The following TOGARAM2 variants were observed in gnomAD, a reference collection of about 807,000 sequenced individuals.
The protein encoded by TOGARAM2 is TOG array regulator of axonemal microtubules protein 2.
In TOGARAM2, 85 loss-of-function variants were observed where a neutral mutation model predicts 93.3. That is an observed-to-expected ratio of 0.91 (90% CI 0.76 to 1.09). TOGARAM2 has a LOEUF of 1.09. Among genes scored for constraint, TOGARAM2 ranks in the 50% least tolerant of loss-of-function variants. The probability of loss-of-function intolerance (pLI) is 0.00; values close to 1 mark genes in which losing one functional copy is unlikely to be tolerated. For missense variants in TOGARAM2, 1,277 were observed against 1,334.5 expected (o/e 0.96, Z 0.67); for synonymous variants, 593 against 552.8 (o/e 1.07, Z -1.02).
chr2:29,013,862 A>G lies in TOGARAM2; in HGVS notation c.878-533A>G, dbSNP rs530954221. Among the ~76,000 whole-genome samples the G allele has an allele frequency of 5.3e-5, 8 of 152,264 alleles. No homozygotes were observed. In the East Asian group the frequency reaches 1.5e-3, roughly 29 times the overall value. The stretch of plus-strand genomic sequence containing the variant: ...ACTTGACCAGCTATGTAAGCATCCA[A>G]TCCAGATGGCACCTAACATTAACCA... On this transcript the variant is annotated intron_variant, in intron 7 of 19. Transcript: ENST00000379558.
chr2:29,018,067 T>C (rs995412812), intron 10 of TOGARAM2, 111 bp downstream of exon 10: 24 of 1,279,678 alleles, frequency 1.9e-5, no homozygotes, highest in Non-Finnish European at 2.3e-5. Flanking sequence ...CCCTTGTCCA[T>C]GTTAGACCAG....
chr2:28,983,258 C>G (rs538925972), intron 1 of TOGARAM2, among the ~76,000 whole-genome samples: 1 of 100,186 alleles, frequency 1.0e-5, no homozygotes, highest in East Asian at 3.4e-4. Context: ...GTTGCTCAGC[C>G]TGGTCTCGAA....
At chr2:29,005,208 T>TG (rs142130568) in intron 6 of TOGARAM2, among the ~76,000 whole-genome samples, 96,982 of 131,970 alleles carry the variant, frequency 0.73, 37,537 homozygotes, top group Non-Finnish European at 0.85. Flanking sequence ...TGCATGTGTG[T>TG]GGGTATGTGT....
intron 4 of TOGARAM2, among the ~76,000 whole-genome samples, chr2:29,001,827 G>A (rs1464267161): frequency 6.6e-6 from 1 of 151,586 alleles, no homozygotes; most frequent in African/African-American, 2.4e-5. Context: ...TGGTTTTGTT[G>A]AGGCCAGAAT....
intron 18 of TOGARAM2, among the ~76,000 whole-genome samples, chr2:29,041,344 C>T (rs1297572337): frequency 2.6e-5 from 4 of 152,164 alleles, no homozygotes; most frequent in African/African-American, 9.7e-5. Flanking sequence ...TTTAACAGCT[C>T]CATCACGTGA....
chr2:28,998,980 A>C (rs1253111561), intron 3 of TOGARAM2, among the ~76,000 whole-genome samples: 2 of 152,102 alleles, frequency 1.3e-5, no homozygotes, highest in African/African-American at 4.8e-5. Flanking sequence ...ACCTTGTGGC[A>C]TGGGTCTTGT....
chr2:29,004,746 G>A (rs1012202241), intron 6 of TOGARAM2, among the ~76,000 whole-genome samples: 10 of 53,890 alleles, frequency 1.9e-4, no homozygotes, highest in African/African-American at 5.0e-4. Context: ...ATGCATGTGT[G>A]TGTGTGTCTG....
intron 1 of TOGARAM2, among the ~76,000 whole-genome samples, chr2:28,986,987 T>C (rs908173238): frequency 6.6e-6 from 1 of 152,214 alleles, no homozygotes; most frequent in Non-Finnish European, 1.5e-5. Flanking sequence ...AATTTAACCC[T>C]GTTGACTCCT....
chr2:28,995,577 C>G (rs1672951891), intron 2 of TOGARAM2, among the ~76,000 whole-genome samples: 1 of 152,208 alleles, frequency 6.6e-6, no homozygotes, highest in Non-Finnish European at 1.5e-5. Context: ...TAAAGCAGAT[C>G]CCACCTGAAT....
intron 14 of TOGARAM2, among the ~76,000 whole-genome samples, chr2:29,029,909 T>C (rs1421535209): frequency 6.6e-6 from 1 of 152,128 alleles, no homozygotes. Context: ...AAGAACTTAC[T>C]CATGGAACCA....
At chr2:29,004,537 A>G (rs1206954079) in intron 6 of TOGARAM2, among the ~76,000 whole-genome samples, 1 of 152,246 alleles carries the variant, frequency 6.6e-6, no homozygotes, top group Non-Finnish European at 1.5e-5. Flanking sequence ...CCCCGTGGTC[A>G]GTCCAGAGTG....
At chr2:28,966,585 C>T (rs536762844) in intron 1 of TOGARAM2, among the ~76,000 whole-genome samples, 3 of 152,206 alleles carry the variant, frequency 2.0e-5, no homozygotes, top group African/African-American at 7.2e-5. Context: ...TGTGAGCCAC[C>T]GTGCCTGGCC....
Position 29,033,464 on chromosome 2 carries a change from T to C in TOGARAM2, c.2131-5T>C, listed in dbSNP as rs1377124543. The C allele has an allele frequency of 1.9e-6, 3 of 1,611,544 alleles. No homozygotes were observed. The highest frequency in any genetic ancestry group is 2.5e-6 in the Non-Finnish European group (3 of 1,178,856). Reference sequence around the variant, plus strand: ...TGGCTCATGCTCTGTGTGTATTTTTTCAAGGGAATAGAAGATAATGATGAA... The same window carrying C: ...TGGCTCATGCTCTGTGTGTATTTTTCCAAGGGAATAGAAGATAATGATGAA... On this transcript the variant is annotated splice_region_variant and splice_polypyrimidine_tract_variant and intron_variant, in intron 15 of 19. Coordinates refer to ENST00000379558, the MANE Select transcript of TOGARAM2 (RefSeq NM_199280.4).
rs201663004 is a variant in TOGARAM2 at position 29,005,144 on chromosome 2, A to T, written c.830+1462A>T. 1.5e-3 allele frequency among the ~76,000 whole-genome samples: 13 copies of T among 8,600 alleles called. 2 individuals carry two copies. The highest frequency in any genetic ancestry group is 6.2e-3 in the East Asian group (1 of 162). 5.6% of individuals were successfully genotyped at this position (8,600 alleles called of 152,430 possible). A position where few individuals can be genotyped will look rare whatever the true frequency, so the allele number is the denominator to read the frequency against. On this transcript the variant is annotated intron_variant, in intron 6 of 19. Transcript: ENST00000379558. ...GTGTGTGTGCATGTGTATGTGTGTG[A>T]GTGCATGTTGTGTGTGAGTGCATGT...
At chr2:29,016,272 C>G (rs948212562) in intron 8 of TOGARAM2, among the ~76,000 whole-genome samples, 1 of 152,136 alleles carries the variant, frequency 6.6e-6, no homozygotes, top group Admixed American at 6.5e-5. Flanking sequence ...CTGCCCACCC[C>G]ACCATCCCCA....
chr2:29,002,820 C>G, intron 5 of TOGARAM2, 73 bp downstream of exon 5: 1 of 1,382,168 alleles, frequency 7.2e-7, no homozygotes, highest in South Asian at 1.3e-5. Flanking sequence ...TTCTTTCTAG[C>G]CTCCACCAAC....
chr2:29,002,500 G>T, intron 4 of TOGARAM2, 36 bp from the exon 5 acceptor site: 1 of 1,584,814 alleles, frequency 6.3e-7, no homozygotes, highest in East Asian at 2.3e-5. Context: ...CTGTTCTTCT[G>T]GGACTAACTG....
rs1039933503 is a variant in TOGARAM2, at chr2:29,051,774, A to G, written c.2741A>G (p.Tyr914Cys). 1 of 1,518,066 alleles carries G rather than the reference A, an allele frequency of 6.6e-7. No individual in the cohort carries two copies. Among genetic ancestry groups the G allele is most frequent in the Non-Finnish European group, 8.9e-7 (1 of 1,124,998 alleles). The allele number at this position is 1,518,066 out of a possible 1,614,324, so 94.0% of individuals were successfully genotyped here. A position where few individuals can be genotyped will look rare whatever the true frequency, so the allele number is the denominator to read the frequency against. Residue 914 changes from tyrosine to cysteine, a missense_variant, in exon 20 of 20, where the codon TAC becomes TGC. Coordinates refer to ENST00000379558, the MANE Select transcript of TOGARAM2 (RefSeq NM_199280.4). ...DRLAVLVASV[Y>C]PRKPQAVERH... ...CTGACAGTGCTGGTGGCCTCAGTTT[A>G]CCCCCGGAAGCCTCAAGCTGTAGAG...
chr2:29,033,450 C>G lies in TOGARAM2; in HGVS notation c.2131-19C>G. 1.2e-6 allele frequency: 2 copies of G among 1,606,084 alleles called. No individual in the cohort carries two copies. ...AGGGCCACTCCTTTTGGCTCATGCT[C>G]TGTGTGTATTTTTTCAAGGGAATAG... On this transcript the variant is annotated intron_variant, in intron 15 of 19. Coordinates refer to ENST00000379558, the MANE Select transcript of TOGARAM2 (RefSeq NM_199280.4).
Sources: gnomAD v4.1 joint callset for allele counts (sites outside exome capture counted in the v4.1 genomes callset) on GRCh38, gnomAD v4.1.1 for gene constraint, MANE v1.5 for transcripts, NCBI Gene and HGNC (gene_info 2026-07-23, HGNC 2026-07-21) for gene names.